TANC2: variants seen among roughly 807,000 people sequenced by gnomAD.
TANC2 encodes protein TANC2.
TANC2 carries 26 observed loss-of-function variants against 210.5 expected under a neutral mutation model. The observed-to-expected ratio is 0.12, with a 90% CI of 0.09 to 0.17. The LOEUF is 0.17. Ranked by LOEUF, TANC2 falls within the 10% of genes least tolerant of loss-of-function variation. TANC2 has a pLI of 1.00. For synonymous variants in TANC2, 931 were observed against 967.1 expected (o/e 0.96, Z 0.69); for missense variants, 2,129 against 2,608.9 (o/e 0.82, Z 4.01).
At chr17:63,423,276 G>GT (rs1399025424) in exon 28 of TANC2, 1 of 152,198 alleles carries the variant, frequency 6.6e-6, no homozygotes, top group Non-Finnish European at 1.5e-5. Context: ...GCAGCCCTGG[G>GT]TGGGGGCATG....
At chr17:63,357,493 TGAATA>T (rs1192971469) in intron 14 of TANC2, among the ~76,000 whole-genome samples, 6 of 152,220 alleles carry the variant, frequency 3.9e-5, no homozygotes, top group Non-Finnish European at 8.8e-5. Context: ...CCCTGATGAT[TGAATA>T]GCATGGCTGC....
At chr17:63,191,333 T>C (rs1294144728) in intron 5 of TANC2, among the ~76,000 whole-genome samples, 5 of 149,642 alleles carry the variant, frequency 3.3e-5, no homozygotes, top group Admixed American at 3.3e-4. Context: ...TTACCTTTAA[T>C]GGTGCCATAA....
intron 9 of TANC2, among the ~76,000 whole-genome samples, 179 bp downstream of exon 9, chr17:63,268,052 A>G (rs2043582676): frequency 6.6e-6 from 1 of 152,188 alleles, no homozygotes; most frequent in Admixed American, 6.5e-5. Flanking sequence ...AAACACAAAT[A>G]CATTGTACTC....
At chr17:63,303,717 T>C (rs1598812145) in intron 9 of TANC2, among the ~76,000 whole-genome samples, 1 of 152,144 alleles carries the variant, frequency 6.6e-6, no homozygotes, top group Non-Finnish European at 1.5e-5. Flanking sequence ...TTTTCCTCCT[T>C]TCTTTCAGGT....
chr17:63,028,265 A>T lies in TANC2; in HGVS notation c.67+18639A>T, dbSNP rs147226063. On this transcript the variant is annotated intron_variant, in intron 2 of 27. Transcript: ENST00000689528. ...AAATGTTGTCTTTATTATTAGAATG[A>T]GACAGAATGTTTTGCCTGTATAGGG... 3.3e-3 allele frequency among the ~76,000 whole-genome samples: 508 copies of T among 152,262 alleles called. 4 individuals are homozygous for T. The highest frequency in any genetic ancestry group is 0.012 in the African/African-American group (482 of 41,570).
chr17:63,419,422 C>T (rs1189555746), intron 27 of TANC2, among the ~76,000 whole-genome samples: 6 of 152,148 alleles, frequency 3.9e-5, no homozygotes, highest in African/African-American at 1.4e-4. Context: ...GCTCCAGCCC[C>T]GAGTGACCTA....
intron 5 of TANC2, among the ~76,000 whole-genome samples, chr17:63,189,064 C>T (rs766642759): frequency 2.0e-5 from 3 of 152,100 alleles, no homozygotes; most frequent in Non-Finnish European, 2.9e-5. Flanking sequence ...TTTCTTAGCA[C>T]AATACTTTCA....
At chr17:63,230,586 G>C (rs188577675) in intron 7 of TANC2, among the ~76,000 whole-genome samples, 57 of 152,282 alleles carry the variant, frequency 3.7e-4, no homozygotes, top group Non-Finnish European at 1.6e-4. Context: ...ATGTAGTTGT[G>C]TGGTTTGGAG....
At chr17:63,407,957 G>A (rs1413877817) in intron 21 of TANC2, among the ~76,000 whole-genome samples, 1 of 152,202 alleles carries the variant, frequency 6.6e-6, no homozygotes, top group Non-Finnish European at 1.5e-5. Flanking sequence ...AAGGTATGTG[G>A]AAATGGAAAA....
chr17:63,114,085 GTATGCCCTTT>G (rs759310687), intron 4 of TANC2, among the ~76,000 whole-genome samples: 35 of 152,164 alleles, frequency 2.3e-4, no homozygotes, highest in Non-Finnish European at 4.9e-4. Context: ...TTATGGCTCA[GTATGCCCTTT>G]TATGCCCTGC....
chr17:63,398,889 C>T (rs2048252221), exon 19 of TANC2: 1 of 1,596,030 alleles, frequency 6.3e-7, no homozygotes, highest in African/African-American at 1.3e-5. Context: ...AGATCAACAG[C>T]TTTGACAGTC....
chr17:63,192,373 A>T (rs1198118758), intron 5 of TANC2, among the ~76,000 whole-genome samples: 3 of 152,260 alleles, frequency 2.0e-5, no homozygotes, highest in Non-Finnish European at 4.4e-5. Context: ...TACTGAAAGT[A>T]GTAATGTAGA....
chr17:63,289,747 CT>C (rs2044329847), intron 9 of TANC2, among the ~76,000 whole-genome samples: 1 of 152,118 alleles, frequency 6.6e-6, no homozygotes. Context: ...ATTCCTTGTG[CT>C]TTTTTCTTGA....
At chr17:63,011,225 T>TTG (rs754146167) in intron 2 of TANC2, among the ~76,000 whole-genome samples, 21 of 151,022 alleles carry the variant, frequency 1.4e-4, no homozygotes, top group East Asian at 1.4e-3. Context: ...TTTTGTTGTT[T>TTG]TGTGTGTGTG....
intron 26 of TANC2, 58 bp downstream of exon 26, chr17:63,415,732 A>G: frequency 3.8e-6 from 6 of 1,571,290 alleles, no homozygotes; most frequent in Non-Finnish European, 5.2e-6. Context: ...AGCCTGTGTC[A>G]CTCACTAGCT....
chr17:63,253,507 C>T (rs181554614), intron 8 of TANC2, among the ~76,000 whole-genome samples: 7 of 152,258 alleles, frequency 4.6e-5, no homozygotes, highest in African/African-American at 1.4e-4. Context: ...ACCGAAGAAA[C>T]CTTTGCCCAG....
chr17:63,070,089 C>T (rs1156806407), intron 2 of TANC2, among the ~76,000 whole-genome samples: 1 of 151,912 alleles, frequency 6.6e-6, no homozygotes, highest in African/African-American at 2.4e-5. Context: ...GGTTTCAAAC[C>T]CAAGTATCAA....
chr17:63,323,898 A>G (rs1598853911), intron 11 of TANC2, among the ~76,000 whole-genome samples: 1 of 152,320 alleles, frequency 6.6e-6, no homozygotes, highest in Admixed American at 6.5e-5. Flanking sequence ...AACTTGCTTG[A>G]GACCATAAGC....
At chr17:63,097,043 T>G (rs2037413454) in intron 3 of TANC2, among the ~76,000 whole-genome samples, 1 of 151,914 alleles carries the variant, frequency 6.6e-6, no homozygotes, top group Non-Finnish European at 1.5e-5. Flanking sequence ...TTGAAGTTTT[T>G]TTTTTTTTCT....
Sources: gnomAD v4.1 joint callset for allele counts (sites outside exome capture counted in the v4.1 genomes callset) on GRCh38, gnomAD v4.1.1 for gene constraint, MANE v1.5 for transcripts, NCBI Gene and HGNC (gene_info 2026-07-23, HGNC 2026-07-21) for gene names.